PCDHGB2: variants seen among roughly 807,000 people sequenced by gnomAD.
The protein encoded by PCDHGB2 is protocadherin gamma-B2.
In PCDHGB2, 55 loss-of-function variants were observed where a neutral mutation model predicts 59.3. The observed-to-expected ratio is 0.93, with a 90% CI of 0.75 to 1.16. PCDHGB2 has a LOEUF of 1.16. PCDHGB2 is among the 50% of genes most tolerant of loss of function. The pLI, the probability that PCDHGB2 is intolerant of heterozygous loss-of-function variation, is 0.00. For synonymous variants in PCDHGB2, 516 were observed against 512.0 expected (o/e 1.01, Z -0.11); for missense variants, 1,228 against 1,198.5 (o/e 1.02, Z -0.36).
intron 1 of PCDHGB2, among the ~76,000 whole-genome samples, chr5:141,447,863 A>G (rs553375129): frequency 6.6e-6 from 1 of 152,254 alleles, no homozygotes; most frequent in East Asian, 1.9e-4. Flanking sequence ...AGGTGGGTGA[A>G]TCATCTGAGG....
chr5:141,388,026 G>A, intron 1 of PCDHGB2: 1 of 1,446,900 alleles, frequency 6.9e-7, no homozygotes, highest in South Asian at 1.3e-5. Flanking sequence ...CTCCGTAGTG[G>A]GGAACCTCGC....
intron 1 of PCDHGB2, among the ~76,000 whole-genome samples, chr5:141,456,968 A>AAAAC (rs202005606): frequency 1.3e-4 from 20 of 152,282 alleles, no homozygotes; most frequent in Middle Eastern, 3.4e-3. Flanking sequence ...ATCTCAAAAC[A>AAAAC]AAACAAACAA....
intron 3 of PCDHGB2, among the ~76,000 whole-genome samples, chr5:141,507,518 A>T (rs1323767789): frequency 6.6e-6 from 1 of 152,132 alleles, no homozygotes; most frequent in African/African-American, 2.4e-5. Flanking sequence ...TGGGGCTATG[A>T]TTCCAGAGAG....
intron 1 of PCDHGB2, among the ~76,000 whole-genome samples, chr5:141,449,978 T>A (rs1025332419): frequency 6.6e-6 from 1 of 151,030 alleles, no homozygotes; most frequent in Non-Finnish European, 1.5e-5. Context: ...GTCCAAAATA[T>A]CACACATTGC....
chr5:141,400,217 T>C (rs771117256), intron 1 of PCDHGB2: 1 of 1,613,916 alleles, frequency 6.2e-7, no homozygotes, highest in Non-Finnish European at 8.5e-7. Flanking sequence ...TTGATCTCAG[T>C]GCTCTTCCTC....
At position 141,432,395 on chromosome 5, in the gene PCDHGB2, G is replaced by A; in HGVS notation, c.2422-62412G>A. 6.2e-7 allele frequency: 1 copy of A among 1,614,240 alleles called. No individual in the cohort carries two copies. ...CGGGCACCCGCCCCTCAGCAGCAAC[G>A]TGTCGTTGAGCCTGTTCGTGCTGGA... On this transcript the variant is annotated intron_variant, in intron 1 of 3. Coordinates refer to ENST00000522605, the MANE Select transcript of PCDHGB2 (RefSeq NM_018923.3). This position sits in a 1 kb window ranked among gnomAD's most constrained non-coding sequence, Gnocchi z 6.0.
rs751145850 is a variant in PCDHGB2 at position 141,432,148 on chromosome 5, G to A, written c.2422-62659G>A. The A allele has an allele frequency of 6.1e-5, 99 of 1,613,884 alleles. No individual in the cohort carries two copies. The Admixed American group carries it at 1.5e-3, about 24-fold the overall frequency. On this transcript the variant is annotated intron_variant, in intron 1 of 3. Transcript: ENST00000522605. The surrounding 1 kb of genome is among the most constrained non-coding windows in gnomAD (Gnocchi z 6.0). ...CCTCCTATTCCGCTTATATCCCAGA[G>A]AACAATCCCAGAGGAGTTTCCCTCG...
At chr5:141,479,189 G>A (rs1466742057) in intron 1 of PCDHGB2, 3 of 152,358 alleles carry the variant, frequency 2.0e-5, no homozygotes, top group African/African-American at 7.2e-5. Flanking sequence ...AGAAAATTCA[G>A]AAAATACAGA....
At chr5:141,372,690 A>G (rs1415110803) in intron 1 of PCDHGB2, 1 of 1,613,948 alleles carries the variant, frequency 6.2e-7, no homozygotes, top group East Asian at 2.2e-5. Context: ...CACCGAGTTT[A>G]AATTTCTCAA....
rs1415142555 is a variant in PCDHGB2, at chr5:141,476,011, A to G, written c.2422-18796A>G. The G allele has an allele frequency of 7.6e-7, 1 of 1,311,282 alleles. No individual in the cohort carries two copies. The highest frequency in any genetic ancestry group is 1.0e-6 in the Non-Finnish European group (1 of 962,238). 81.2% of individuals were successfully genotyped at this position (1,311,282 alleles called of 1,614,324 possible). ...GCAAATCAACGGCATCCAGAAAGCC[A>G]TGTCGGACTCGGCGCCCAGCGCCCA... On this transcript the variant is annotated intron_variant, in intron 1 of 3. Coordinates refer to ENST00000522605, the MANE Select transcript of PCDHGB2 (RefSeq NM_018923.3). This position sits in a 1 kb window ranked among gnomAD's most constrained non-coding sequence, Gnocchi z 7.6.
At chr5:141,375,657 TGA>T in intron 1 of PCDHGB2, 1 of 1,614,192 alleles carries the variant, frequency 6.2e-7, no homozygotes, top group Non-Finnish European at 8.5e-7. Flanking sequence ...TATGAGCAGT[TGA>T]GAGACCTACA....
rs2099170089 is a variant in PCDHGB2, at chr5:141,468,602, C to T, written c.2422-26205C>T. On this transcript the variant is annotated intron_variant, in intron 1 of 3. Coordinates refer to ENST00000522605, the MANE Select transcript of PCDHGB2 (RefSeq NM_018923.3). ...GTACTAAAGGCTGGGCGCGGTGGCT[C>T]ACGCCTGTAATCCCAGCACTTTGGG... The T allele has an allele frequency of 2.6e-5, 4 of 152,284 alleles. No individual in the cohort carries two copies. The South Asian group carries it at 8.3e-4, about 32-fold the overall frequency. 9.4% of individuals were successfully genotyped at this position (152,284 alleles called of 1,614,324 possible).
chr5:141,371,226 A>C (rs772683388), intron 1 of PCDHGB2: 19 of 1,613,954 alleles, frequency 1.2e-5, no homozygotes, highest in Non-Finnish European at 1.6e-5. Flanking sequence ...TGCCGAAATC[A>C]TCTATGCCTT....
At position 141,487,635 on chromosome 5, in the gene PCDHGB2, A is replaced by C. The variant is rs1594699829; in HGVS notation, c.2422-7172A>C. 1.2e-6 allele frequency: 2 copies of C among 1,614,204 alleles called. No individual in the cohort carries two copies. Among genetic ancestry groups the C allele is most frequent in the Non-Finnish European group, 1.7e-6 (2 of 1,180,034 alleles). On this transcript the variant is annotated intron_variant, in intron 1 of 3. Transcript: ENST00000522605. The surrounding 1 kb of genome is among the most constrained non-coding windows in gnomAD (Gnocchi z 5.0). Reference sequence around the variant, plus strand: ...CTAGAGGTGAGACCTTTGCAGGCTCAACAAATGCTTGAGGGTTATTCTGAT... The same window carrying C: ...CTAGAGGTGAGACCTTTGCAGGCTCCACAAATGCTTGAGGGTTATTCTGAT...
chr5:141,374,243 C>A, intron 1 of PCDHGB2: 1 of 1,614,000 alleles, frequency 6.2e-7, no homozygotes, highest in Non-Finnish European at 8.5e-7. Flanking sequence ...GGATCTGGGA[C>A]TGGAGCCCCA....
chr5:141,390,222 G>C (rs758225583), intron 1 of PCDHGB2: 2 of 1,614,022 alleles, frequency 1.2e-6, no homozygotes, highest in Admixed American at 3.3e-5. Context: ...CATACTTTGC[G>C]GTGATTCATC....
At chr5:141,370,619 T>C (rs760864223) in intron 1 of PCDHGB2, 1 of 1,613,966 alleles carries the variant, frequency 6.2e-7, no homozygotes, top group Non-Finnish European at 8.5e-7. Context: ...AGAAATTCTT[T>C]ACCGTGAGCC....
At chr5:141,419,432 C>T (rs2096381830) in intron 1 of PCDHGB2, 1 of 1,613,278 alleles carries the variant, frequency 6.2e-7, no homozygotes, top group East Asian at 2.2e-5. Flanking sequence ...CCACGAGCAG[C>T]TGCGCACCTT....
rs2099624335 is a variant in PCDHGB2 at position 141,486,093 on chromosome 5, C to T, written c.2422-8714C>T. On this transcript the variant is annotated intron_variant, in intron 1 of 3. Coordinates refer to ENST00000522605, the MANE Select transcript of PCDHGB2 (RefSeq NM_018923.3). This position sits in a 1 kb window ranked among gnomAD's most constrained non-coding sequence, Gnocchi z 5.0. ...ACTGGAAAGCTTACTCTTTTGGGGC[C>T]CCTAGACTTTGAGAGTGAGAATTAC... 1 of 1,614,112 alleles carries T rather than the reference C, an allele frequency of 6.2e-7. No homozygotes were observed. The highest frequency in any genetic ancestry group is 8.5e-7 in the Non-Finnish European group (1 of 1,180,008).
Sources: gnomAD v4.1 joint callset for allele counts (sites outside exome capture counted in the v4.1 genomes callset) on GRCh38, gnomAD v4.1.1 for gene constraint, Gnocchi (gnomAD v3.1) non-coding constraint, MANE v1.5 for transcripts, NCBI Gene and HGNC (gene_info 2026-07-23, HGNC 2026-07-21) for gene names.